ADTRP: variants seen among roughly 807,000 people sequenced by gnomAD.
ADTRP encodes androgen dependent TFPI regulating protein, also known as androgen-dependent TFPI-regulating protein.
In ADTRP, 20 loss-of-function variants were observed where a neutral mutation model predicts 27.0. That is an observed-to-expected ratio of 0.74 (90% CI 0.52 to 1.08). ADTRP has a LOEUF of 1.08. Ranked by LOEUF, ADTRP falls within the 50% of genes least tolerant of loss-of-function variation. The pLI is 0.00. For missense variants in ADTRP, 251 were observed against 275.0 expected (o/e 0.91, Z 0.62); for synonymous variants, 101 against 105.2 (o/e 0.96, Z 0.25).
chr6:11,764,953 C>T (rs1030665107), intron 3 of ADTRP, among the ~76,000 whole-genome samples: 4 of 136,878 alleles, frequency 2.9e-5, no homozygotes, highest in Non-Finnish European at 4.7e-5. Flanking sequence ...CTCAGATTAA[C>T]ATTCATGGGA....
chr6:11,723,536 G>A (rs1477762069), intron 4 of ADTRP, 36 bp from the exon 5 acceptor site: 1 of 1,607,998 alleles, frequency 6.2e-7, no homozygotes, highest in South Asian at 1.1e-5. Flanking sequence ...GTTATAGCAG[G>A]AGGAGAAAAA....
At position 11,714,168 on chromosome 6, in the gene ADTRP, C is replaced by T. The variant is rs1379298447; in HGVS notation, c.*310G>A. The T allele has an allele frequency of 5.6e-6, 2 of 358,448 alleles. No individual in the cohort carries two copies. The highest frequency in any genetic ancestry group is 1.0e-5 in the Non-Finnish European group (2 of 195,376). 22.2% of individuals were successfully genotyped at this position (358,448 alleles called of 1,614,324 possible). A position where few individuals can be genotyped will look rare whatever the true frequency, so the allele number is the denominator to read the frequency against. Reference sequence around the variant, plus strand: ...GTTCCTCTCTCTCTCTCTAGATGTTCTCTAACACCAAGTTTATGTGAGTTT... The same window carrying T: ...GTTCCTCTCTCTCTCTCTAGATGTTTTCTAACACCAAGTTTATGTGAGTTT... On this transcript the variant is annotated 3_prime_UTR_variant, in exon 6 of 6. Coordinates refer to ENST00000414691, the MANE Select transcript of ADTRP (RefSeq NM_032744.4).
At chr6:11,769,919 C>T (rs1048942198) in intron 1 of ADTRP, 1 of 1,188,392 alleles carries the variant, frequency 8.4e-7, no homozygotes. Flanking sequence ...TTATTCATTA[C>T]TTGGTATGTG....
chr6:11,738,869 A>G (rs1390759176), intron 3 of ADTRP, among the ~76,000 whole-genome samples: 1 of 152,188 alleles, frequency 6.6e-6, no homozygotes, highest in Non-Finnish European at 1.5e-5. Context: ...CTTTGCAAGA[A>G]TCACATTTTC....
At chr6:11,740,128 C>A (rs1762671445) in intron 3 of ADTRP, among the ~76,000 whole-genome samples, 1 of 152,150 alleles carries the variant, frequency 6.6e-6, no homozygotes, top group Non-Finnish European at 1.5e-5. Flanking sequence ...GATGTTGTTT[C>A]TATATCACCT....
intron 3 of ADTRP, among the ~76,000 whole-genome samples, chr6:11,753,883 G>C (rs1763129632): frequency 6.6e-6 from 1 of 152,300 alleles, no homozygotes; most frequent in South Asian, 2.1e-4. Context: ...CAGTAGGCCT[G>C]TTATCATCAG....
intron 1 of ADTRP, among the ~76,000 whole-genome samples, chr6:11,776,480 G>A (rs1302222857): frequency 6.6e-6 from 1 of 152,194 alleles, no homozygotes; most frequent in Non-Finnish European, 1.5e-5. Flanking sequence ...GACTCACATG[G>A]CAGGGAGAGA....
chr6:11,739,160 A>G (rs1225383165), intron 3 of ADTRP, among the ~76,000 whole-genome samples: 1 of 152,268 alleles, frequency 6.6e-6, no homozygotes, highest in Non-Finnish European at 1.5e-5. Flanking sequence ...AAATTACTGG[A>G]AACACTGACT....
Position 11,723,388 on chromosome 6 carries a change from T to C in ADTRP, c.619A>G (p.Ile207Val). Residue 207 changes from isoleucine (I) to valine (V), a missense_variant, in exon 5 of 6, where the codon ATC (isoleucine) becomes GTC (valine). Coordinates refer to ENST00000414691, the MANE Select transcript of ADTRP (RefSeq NM_032744.4). The stretch of plus-strand genomic sequence containing the variant: ...TTGAGCTTCTCTCCAAGTAGGTAGA[T>C]GCTGGCGATGAAGACGTAGCTGAGA... ...FSLSYVFIAS[I>V]YLLGEKLNHW... The C allele has an allele frequency of 5.0e-6, 8 of 1,614,136 alleles. No homozygotes were observed. Among genetic ancestry groups the C allele is most frequent in the Non-Finnish European group, 6.8e-6 (8 of 1,180,016 alleles).
chr6:11,719,069 A>G (rs542006394), intron 5 of ADTRP, among the ~76,000 whole-genome samples: 50 of 152,342 alleles, frequency 3.3e-4, no homozygotes, highest in African/African-American at 1.0e-3. Flanking sequence ...ATGTTCAGCT[A>G]TTGTGACCAT....
intron 3 of ADTRP, among the ~76,000 whole-genome samples, chr6:11,748,887 T>C (rs1383969184): frequency 2.0e-5 from 3 of 152,162 alleles, no homozygotes; most frequent in Non-Finnish European, 4.4e-5. Context: ...GTCTGCAGCA[T>C]TAAGCAGGGC....
chr6:11,737,345 C>A (rs751943860), intron 3 of ADTRP, among the ~76,000 whole-genome samples: 8 of 152,130 alleles, frequency 5.3e-5, no homozygotes, highest in East Asian at 1.9e-4. Flanking sequence ...GTTCCTGAGC[C>A]CCAGGGCAGC....
rs971598966 is a variant in ADTRP, at chr6:11,747,646, A to C, written c.391-11963T>G. 5.9e-5 allele frequency among the ~76,000 whole-genome samples: 9 copies of C among 152,272 alleles called. No individual in the cohort carries two copies. In the East Asian group the frequency reaches 1.7e-3, roughly 29 times the overall value. ...TTCCACAGGCATGGATTTACTTTTC[A>C]TATGCACAACAAATGAACCTCATTC... On this transcript the variant is annotated intron_variant, in intron 3 of 5. Transcript: ENST00000414691.
At chr6:11,766,180 A>C in intron 3 of ADTRP, 94 bp downstream of exon 3, 1 of 903,152 alleles carries the variant, frequency 1.1e-6, no homozygotes, top group Non-Finnish European at 1.7e-6. Flanking sequence ...GATGCTGGGA[A>C]TTGAGACATT....
At position 11,778,780 on chromosome 6, in the gene ADTRP, C is replaced by CCGTGAATGTCTTGAGTACTTTCTGG. The variant is rs1561781677; in HGVS notation, c.-22_-21insCCAGAAAGTACTCAAGACATTCACG. The stretch of plus-strand genomic sequence containing the variant: ...GTCATGGCGAGTGCTGACCGGGGCA[C>CCGTGAATGTCTTGAGTACTTTCTGG]CGTGAATGTCTTGAGTACTTTCTGG... On this transcript the variant is annotated 5_prime_UTR_variant, in exon 1 of 6. Transcript: ENST00000414691. The CCGTGAATGTCTTGAGTACTTTCTGG allele has an allele frequency of 1.1e-5, 17 of 1,610,376 alleles. No homozygotes were observed. The East Asian group carries it at 3.6e-4, about 34-fold the overall frequency.
At chr6:11,732,301 T>C (rs1452924382) in intron 4 of ADTRP, among the ~76,000 whole-genome samples, 2 of 152,198 alleles carry the variant, frequency 1.3e-5, no homozygotes, top group Non-Finnish European at 2.9e-5. Context: ...TCATGTTCGT[T>C]TCTCACGCTC....
chr6:11,728,260 C>T (rs1209781390), intron 4 of ADTRP: 2 of 152,428 alleles, frequency 1.3e-5, no homozygotes, highest in African/African-American at 2.4e-5. Context: ...CGGTAATCTT[C>T]CTAAAAGCGA....
chr6:11,775,173 C>T (rs1187786230), intron 1 of ADTRP, among the ~76,000 whole-genome samples: 1 of 152,078 alleles, frequency 6.6e-6, no homozygotes, highest in Non-Finnish European at 1.5e-5. Flanking sequence ...TGCTGGCCTC[C>T]ACCCCGCAAC....
intron 3 of ADTRP, among the ~76,000 whole-genome samples, chr6:11,762,327 G>C (rs868838560): frequency 1.3e-5 from 2 of 152,338 alleles, no homozygotes; most frequent in Middle Eastern, 3.4e-3. Context: ...CCACTGCCTT[G>C]TGTAAGCATT....
Sources: gnomAD v4.1 joint callset for allele counts (sites outside exome capture counted in the v4.1 genomes callset) on GRCh38, gnomAD v4.1.1 for gene constraint, MANE v1.5 for transcripts, NCBI Gene and HGNC (gene_info 2026-07-23, HGNC 2026-07-21) for gene names.